The following MRPS28 variants were observed in gnomAD, a reference collection of about 807,000 sequenced individuals.
MRPS28 encodes the protein small ribosomal subunit protein bS1m.
In MRPS28, 7 loss-of-function variants were observed where a neutral mutation model predicts 10.8. That is an observed-to-expected ratio of 0.65 (90% CI 0.37 to 1.22). MRPS28 has a LOEUF of 1.22. Ranked by LOEUF, MRPS28 falls within the 50% of genes most tolerant of loss-of-function variation. MRPS28 has a pLI of 0.02. For synonymous variants in MRPS28, 121 were observed against 93.3 expected, an observed-to-expected ratio of 1.30 and a Z score of -1.71; for missense variants, 265 against 232.9, an observed-to-expected ratio of 1.14 and a Z score of -0.90.
At chr8:79,962,106 T>A (rs1301605708) in intron 2 of MRPS28, among the ~76,000 whole-genome samples, 1 of 152,038 alleles carries the variant, frequency 6.6e-6, no homozygotes, top group African/African-American at 2.4e-5. Flanking sequence ...ATTCAATCAC[T>A]GTGCCATCTT....
chr8:79,953,781 G>A (rs561262876), intron 2 of MRPS28, among the ~76,000 whole-genome samples: 4 of 152,242 alleles, frequency 2.6e-5, no homozygotes, highest in South Asian at 2.1e-4. Flanking sequence ...GGGAAAAAAT[G>A]TAAGTAACCA....
intron 2 of MRPS28, among the ~76,000 whole-genome samples, chr8:79,940,494 A>G (rs1806737803): frequency 6.6e-6 from 1 of 152,254 alleles, no homozygotes; most frequent in Non-Finnish European, 1.5e-5. Flanking sequence ...GCTGGAGTAT[A>G]AATTCCAAAT....
At chr8:79,983,366 C>A (rs558580872) in intron 2 of MRPS28, among the ~76,000 whole-genome samples, 2,618 of 152,232 alleles carry the variant, frequency 0.017, 26 homozygotes, top group Middle Eastern at 0.031. Context: ...AAGCAGAGCG[C>A]CTCTCCTCCT....
intron 2 of MRPS28, among the ~76,000 whole-genome samples, chr8:79,967,597 C>T (rs1420043065): frequency 1.3e-5 from 2 of 152,116 alleles, no homozygotes; most frequent in African/African-American, 2.4e-5. Context: ...ACATGTGCTA[C>T]GTGTGTGCAA....
intron 1 of MRPS28, among the ~76,000 whole-genome samples, chr8:80,011,255 G>A (rs933688612): frequency 6.6e-6 from 1 of 151,520 alleles, no homozygotes; most frequent in Non-Finnish European, 1.5e-5. Context: ...GTGCTCAAGA[G>A]AAGAGCAAAC....
intron 2 of MRPS28, among the ~76,000 whole-genome samples, chr8:79,989,162 T>A (rs957569320): frequency 3.3e-5 from 5 of 152,068 alleles, no homozygotes; most frequent in African/African-American, 1.2e-4. Flanking sequence ...AATTTGGGAA[T>A]GGGAAAAGTA....
intron 2 of MRPS28, among the ~76,000 whole-genome samples, chr8:79,923,734 T>A (rs1479344600): frequency 1.3e-5 from 2 of 152,162 alleles, no homozygotes; most frequent in African/African-American, 4.8e-5. Flanking sequence ...TTCTGACTGA[T>A]CTTTGTGAAC....
chr8:79,965,955 T>A (rs754877449), intron 2 of MRPS28, among the ~76,000 whole-genome samples: 4 of 152,066 alleles, frequency 2.6e-5, no homozygotes, highest in African/African-American at 4.8e-5. Context: ...TTCTTAAAAG[T>A]CTGAGCTTCT....
At chr8:79,999,854 G>C (rs1808612755) in intron 2 of MRPS28, among the ~76,000 whole-genome samples, 2 of 152,028 alleles carry the variant, frequency 1.3e-5, no homozygotes, top group African/African-American at 4.8e-5. Flanking sequence ...CTGAAGCCTT[G>C]ACTCTTATCT....
chr8:79,949,698 GA>G (rs1807032542), intron 2 of MRPS28, among the ~76,000 whole-genome samples: 1 of 151,974 alleles, frequency 6.6e-6, no homozygotes, highest in South Asian at 2.1e-4. Context: ...TCATATGACA[GA>G]AAAAAATAAC....
chr8:79,986,431 T>C (rs558211402), intron 2 of MRPS28, among the ~76,000 whole-genome samples: 2,030 of 152,140 alleles, frequency 0.013, 61 homozygotes, highest in African/African-American at 0.044. Context: ...CCAGGGCAAT[T>C]AGGCAGGAGA....
intron 1 of MRPS28, among the ~76,000 whole-genome samples, chr8:80,007,622 CCAATAACAGA>C (rs1186009813): frequency 6.6e-6 from 1 of 151,940 alleles, no homozygotes; most frequent in Admixed American, 6.6e-5. Context: ...TTCTTATACA[CCAATAACAGA>C]CAAACAGAGA....
chr8:79,963,381 A>T (rs562587756), intron 2 of MRPS28, among the ~76,000 whole-genome samples: 6 of 152,130 alleles, frequency 3.9e-5, no homozygotes, highest in African/African-American at 1.4e-4. Context: ...AAAACCACGT[A>T]TTTTTTTCCA....
chr8:79,971,143 G>A lies in MRPS28; in HGVS notation c.395+31856C>T, dbSNP rs181130263. ...TCTAAATGCATATTTGTTGACAGCTGTAATCAGATCATTTCCTCAAAATTT... is the reference window on the plus strand; with the variant it reads ...TCTAAATGCATATTTGTTGACAGCTATAATCAGATCATTTCCTCAAAATTT... On this transcript the variant is annotated intron_variant, in intron 2 of 2. Coordinates refer to ENST00000276585, the MANE Select transcript of MRPS28 (RefSeq NM_014018.3). Among the ~76,000 whole-genome samples the A allele has an allele frequency of 6.9e-3, 1,047 of 152,262 alleles. 7 individuals are homozygous for A. Among genetic ancestry groups the A allele is most frequent in the Non-Finnish European group, 9.9e-3 (675 of 68,016 alleles).
chr8:79,941,647 T>C (rs529583956), intron 2 of MRPS28, among the ~76,000 whole-genome samples: 11 of 152,344 alleles, frequency 7.2e-5, no homozygotes, highest in East Asian at 5.8e-4. Flanking sequence ...TTATGTTCAA[T>C]TATTTTTTAG....
At chr8:80,019,301 G>T (rs878903239) in intron 1 of MRPS28, among the ~76,000 whole-genome samples, 1 of 142,156 alleles carries the variant, frequency 7.0e-6, no homozygotes, top group Admixed American at 7.1e-5. Context: ...AGTATCTCGT[G>T]TGCCCCCTAA....
intron 2 of MRPS28, among the ~76,000 whole-genome samples, chr8:79,927,977 G>A (rs565724975): frequency 6.6e-6 from 1 of 152,172 alleles, no homozygotes; most frequent in Admixed American, 6.5e-5. Context: ...GGGAAAGGGT[G>A]GAGCACAAAG....
intron 2 of MRPS28, among the ~76,000 whole-genome samples, chr8:79,950,106 T>C (rs1807043027): frequency 6.6e-6 from 1 of 152,188 alleles, no homozygotes. Flanking sequence ...CCCTAGTTTC[T>C]AGATTTAGAT....
intron 1 of MRPS28, among the ~76,000 whole-genome samples, chr8:80,015,482 T>C (rs1485434531): frequency 6.6e-6 from 1 of 152,152 alleles, no homozygotes; most frequent in Non-Finnish European, 1.5e-5. Context: ...GAAGCAAATG[T>C]GCAGTTCATA....
Sources: gnomAD v4.1 joint callset for allele counts (sites outside exome capture counted in the v4.1 genomes callset) on GRCh38, gnomAD v4.1.1 for gene constraint, MANE v1.5 for transcripts, NCBI Gene and HGNC (gene_info 2026-07-23, HGNC 2026-07-21) for gene names.